PRSS23: variants seen among roughly 807,000 people sequenced by gnomAD.
PRSS23 encodes the protein protease, serine 23.
A neutral mutation model predicts 34.7 loss-of-function variants in PRSS23; 25 were observed. The observed-to-expected ratio is 0.72, with a 90% CI of 0.53 to 1.01. The LOEUF (loss-of-function observed/expected upper bound fraction) is 1.01, where lower values mean the gene tolerates loss of function less well. PRSS23 is among the 50% of genes least tolerant of loss of function. The pLI is 0.00. For synonymous variants in PRSS23, 176 were observed against 186.6 expected (o/e 0.94, Z 0.46); for missense variants, 445 against 475.6 (o/e 0.94, Z 0.60).
rs190466681 is a variant in PRSS23, at chr11:86,883,705, C to T, written c.206+60112C>T. 2.1e-3 allele frequency among the ~76,000 whole-genome samples: 315 copies of T among 152,206 alleles called. 3 individuals carry two copies. The highest frequency in any genetic ancestry group is 7.4e-3 in the African/African-American group (306 of 41,532). On this transcript the variant is annotated intron_variant, in intron 2 of 2. Coordinates refer to the PRSS23 transcript ENST00000533902. ...AGGACTTAATCTATTTTTAAATATA[C>T]GTGTTTACCTCTATAATTTCCCTCC... is the stretch of plus-strand genomic sequence containing the variant.
At chr11:86,854,577 A>G (rs1394529577) in intron 2 of PRSS23, among the ~76,000 whole-genome samples, 1 of 152,156 alleles carries the variant, frequency 6.6e-6, no homozygotes, top group Non-Finnish European at 1.5e-5. Flanking sequence ...TTATCCCAGA[A>G]AGCATTGTCC....
At chr11:86,831,437 G>A (rs1037646555) in intron 2 of PRSS23, among the ~76,000 whole-genome samples, 1 of 151,606 alleles carries the variant, frequency 6.6e-6, no homozygotes, top group African/African-American at 2.4e-5. Flanking sequence ...GTCATAGCAG[G>A]TGTACCCCCT....
intron 1 of PRSS23, chr11:86,821,112 T>C: frequency 2.0e-6 from 1 of 500,128 alleles, no homozygotes. Context: ...GTTAATTATG[T>C]GATCTGTACA....
In PRSS23 at chr11:86,805,785, T is replaced by C. The variant is rs114226204; in HGVS notation, c.-13-1846T>C. ...GCTATACTACATCAGATCATTGGGA[T>C]TTTCTACTTTTATATAAAAGGGAGC... On this transcript the variant is annotated intron_variant, in intron 1 of 1. Transcript: ENST00000280258. 5.6e-3 allele frequency among the ~76,000 whole-genome samples: 860 copies of C among 152,330 alleles called. 11 individuals carry two copies. The highest frequency in any genetic ancestry group is 0.02 in the African/African-American group (823 of 41,572).
Position 86,888,052 on chromosome 11 carries a change from CAAAA to C in PRSS23, c.207-63156_207-63153del, listed in dbSNP as rs764502709. 3.6e-5 allele frequency among the ~76,000 whole-genome samples: 4 copies of C among 110,586 alleles called. No homozygotes were observed. In the East Asian group the frequency reaches 1.1e-3, roughly 29 times the overall value. 72.5% of individuals were successfully genotyped at this position (110,586 alleles called of 152,430 possible). On this transcript the variant is annotated intron_variant, in intron 2 of 2. Coordinates refer to the PRSS23 transcript ENST00000533902. Reference sequence around the variant, plus strand: ...AGGTAACAAGAGTGAAACTCTGTCTCAAAAAAAAAAACAAAAACAAAAACACACA... The same window carrying C: ...AGGTAACAAGAGTGAAACTCTGTCTCAAAAAAACAAAAACAAAAACACACA...
rs757407667 is a variant in PRSS23 at position 86,808,127 on chromosome 11, G to T, written c.484G>T (p.Gly162Cys). The change falls in exon 2 of 2, where the codon GGC becomes TGC. Residue 162 changes from glycine to cysteine, a missense_variant. Transcript: ENST00000280258. Reference protein sequence around the residue: ...TSVKLSTGCTGTLVAEKHVLT... With the variant: ...TSVKLSTGCTCTLVAEKHVLT... The stretch of plus-strand genomic sequence containing the variant: ...AGTGAAGTTATCCACGGGCTGCACC[G>T]GCACCCTGGTGGCAGAGAAGCATGT... 10 of 1,614,050 alleles carry T rather than the reference G, an allele frequency of 6.2e-6. No homozygotes were observed. In the South Asian group the frequency reaches 8.8e-5, roughly 14 times the overall value.
At chr11:86,908,846 C>T (rs1415004221) in intron 2 of PRSS23, 1 of 152,044 alleles carries the variant, frequency 6.6e-6, no homozygotes, top group African/African-American at 2.4e-5. Flanking sequence ...GCAGCAATAT[C>T]AGCTAGGTTC....
chr11:86,857,981 G>A (rs1433500609), intron 2 of PRSS23: 4 of 338,952 alleles, frequency 1.2e-5, no homozygotes, highest in Non-Finnish European at 1.8e-5. Context: ...CACGCCTTCT[G>A]GGATATTGTT....
chr11:86,894,134 G>A (rs542526140), intron 2 of PRSS23, among the ~76,000 whole-genome samples: 13 of 152,168 alleles, frequency 8.5e-5, no homozygotes, highest in African/African-American at 2.9e-4. Context: ...CTGCCTCAGC[G>A]TCCCAAGTAG....
At chr11:86,868,519 G>A (rs997906956) in intron 2 of PRSS23, among the ~76,000 whole-genome samples, 3 of 152,076 alleles carry the variant, frequency 2.0e-5, no homozygotes, top group Non-Finnish European at 2.9e-5. Flanking sequence ...CAAGGCACTG[G>A]GTGACTTTTT....
chr11:86,857,961 G>A, intron 2 of PRSS23: 2 of 400,712 alleles, frequency 5.0e-6, no homozygotes, highest in Non-Finnish European at 9.9e-6. Context: ...CAGTATCGCA[G>A]GGGGTTGTAC....
In PRSS23 at chr11:86,808,941, A is replaced by C; in HGVS notation, c.*146A>C. Reference sequence around the variant, plus strand: ...TCTTATAATCTTTTACCTATTTCTTACAATTGCAAGATGACTGGCTTTACT... The same window carrying C: ...TCTTATAATCTTTTACCTATTTCTTCCAATTGCAAGATGACTGGCTTTACT... On this transcript the variant is annotated 3_prime_UTR_variant, in exon 2 of 2. Transcript: ENST00000280258. 1 of 676,890 alleles carries C rather than the reference A, an allele frequency of 1.5e-6. No homozygotes were observed. The allele number at this position is 676,890 out of a possible 1,614,324, so 41.9% of individuals were successfully genotyped here.
intron 2 of PRSS23, among the ~76,000 whole-genome samples, chr11:86,906,487 G>A (rs1488786379): frequency 6.6e-6 from 1 of 152,206 alleles, no homozygotes; most frequent in Non-Finnish European, 1.5e-5. Flanking sequence ...GGTTGTAGCT[G>A]GGACCGCGAG....
At chr11:86,853,150 G>A (rs1371968603) in intron 2 of PRSS23, among the ~76,000 whole-genome samples, 1 of 151,228 alleles carries the variant, frequency 6.6e-6, no homozygotes, top group Admixed American at 6.6e-5. Context: ...CACTGAGCCC[G>A]GTCGTGTTTA....
intron 2 of PRSS23, among the ~76,000 whole-genome samples, chr11:86,865,676 A>C (rs1948645045): frequency 1.3e-5 from 2 of 152,206 alleles, no homozygotes; most frequent in South Asian, 4.1e-4. Flanking sequence ...TTCTACTCAG[A>C]TGGCCAATTC....
At chr11:86,835,822 G>A (rs577490057) in intron 2 of PRSS23, among the ~76,000 whole-genome samples, 1 of 152,298 alleles carries the variant, frequency 6.6e-6, no homozygotes, top group South Asian at 2.1e-4. Context: ...GAGTGCTTGG[G>A]TGGCTTGATG....
chr11:86,817,645 C>T (rs538853279), intron 1 of PRSS23, among the ~76,000 whole-genome samples: 1 of 152,150 alleles, frequency 6.6e-6, no homozygotes, highest in Non-Finnish European at 1.5e-5. Context: ...AAAATCCATC[C>T]AAGAATCCTG....
Position 86,952,450 on chromosome 11 carries a change from A to G in PRSS23, c.*1165A>G, listed in dbSNP as rs1490112465. ...TGATCTTCTCTGTGCACATTGGCAC[A>G]TAAACAGAACAAAGGAAGAACTGGA... On this transcript the variant is annotated 3_prime_UTR_variant, in exon 3 of 3. Coordinates refer to the PRSS23 transcript ENST00000533902. The G allele has an allele frequency of 1.2e-6, 2 of 1,613,850 alleles. No homozygotes were observed. The highest frequency in any genetic ancestry group is 2.7e-5 in the African/African-American group (2 of 74,940).
chr11:86,920,819 C>A (rs1055726485), intron 2 of PRSS23, among the ~76,000 whole-genome samples: 1 of 152,174 alleles, frequency 6.6e-6, no homozygotes, highest in Admixed American at 6.6e-5. Context: ...GTCTTAGCTA[C>A]CACCCCTCAG....
Sources: gnomAD v4.1 joint callset for allele counts (sites outside exome capture counted in the v4.1 genomes callset) on GRCh38, gnomAD v4.1.1 for gene constraint, MANE v1.5 for transcripts, NCBI Gene and HGNC (gene_info 2026-07-23, HGNC 2026-07-21) for gene names.